Variants in STXBP5L observed in about 807,000 individuals in gnomAD.
STXBP5L encodes the protein syntaxin-binding protein 5-like.
A neutral mutation model predicts 144.5 loss-of-function variants in STXBP5L; 65 were observed. The observed-to-expected ratio is 0.45, with a 90% CI of 0.37 to 0.55. STXBP5L has a LOEUF of 0.55. STXBP5L is among the 20% of genes least tolerant of loss of function. The pLI is 0.00. For missense variants in STXBP5L, 1,298 were observed against 1,405.5 expected (o/e 0.92, Z 1.22); for synonymous variants, 505 against 469.6 (o/e 1.08, Z -0.97).
intron 5 of STXBP5L, among the ~76,000 whole-genome samples, chr3:121,103,464 A>G (rs1576965751): frequency 2.0e-5 from 3 of 152,252 alleles, no homozygotes; most frequent in Middle Eastern, 3.4e-3. Flanking sequence ...ACATGTTCTC[A>G]AGTATACATC....
Position 120,909,639 on chromosome 3 carries a change from G to T in STXBP5L, c.61G>T (p.Gly21Cys). Residue 21 changes from glycine to cysteine, a missense_variant, in exon 2 of 27, where the codon GGT (glycine) becomes TGT (cysteine). Coordinates refer to ENST00000471454, the MANE Select transcript of STXBP5L (RefSeq NM_001308330.2). ...CTTAACTGCCTCCTCCCCTGGCAGTGGTAGCAGCAGTGGCAGTAACAGTGG... is the reference window on the plus strand; with the variant it reads ...CTTAACTGCCTCCTCCCCTGGCAGTTGTAGCAGCAGTGGCAGTAACAGTGG... ...DGLTASSPGS[G>C]SSSGSNSGGG... is the part of the protein sequence containing the mutation. The T allele has an allele frequency of 6.2e-7, 1 of 1,613,658 alleles. No individual in the cohort carries two copies. Among genetic ancestry groups the T allele is most frequent in the Non-Finnish European group, 8.5e-7 (1 of 1,179,834 alleles).
intron 5 of STXBP5L, among the ~76,000 whole-genome samples, chr3:121,049,921 T>A (rs932602880): frequency 9.2e-5 from 14 of 151,980 alleles, no homozygotes; most frequent in Admixed American, 9.2e-4. Flanking sequence ...GTTGCAGGGA[T>A]CATGAGAAAT....
intron 2 of STXBP5L, among the ~76,000 whole-genome samples, chr3:120,927,647 T>C (rs955069056): frequency 1.3e-5 from 2 of 152,192 alleles, no homozygotes; most frequent in Admixed American, 6.5e-5. Context: ...ATCACAGATA[T>C]GGAAATCTTA....
intron 3 of STXBP5L, among the ~76,000 whole-genome samples, chr3:121,037,105 T>C (rs1001582426): frequency 1.4e-4 from 21 of 151,936 alleles, no homozygotes; most frequent in African/African-American, 4.3e-4. Flanking sequence ...TTTTCAAAAA[T>C]CTTATCTGTA....
chr3:121,157,707 G>T lies in STXBP5L; in HGVS notation c.877+80G>T, dbSNP rs145602553. 18 of 1,519,250 alleles carry T rather than the reference G, an allele frequency of 1.2e-5. 1 individual carries two copies. In the South Asian group the frequency reaches 1.3e-4, roughly 11 times the overall value. 94.1% of individuals were successfully genotyped at this position (1,519,250 alleles called of 1,614,324 possible). A position where few individuals can be genotyped will look rare whatever the true frequency, so the allele number is the denominator to read the frequency against. On this transcript the variant is annotated intron_variant, in intron 9 of 26. Coordinates refer to ENST00000471454, the MANE Select transcript of STXBP5L (RefSeq NM_001308330.2). Reference sequence around the variant, plus strand: ...GAAGTAAGAGAGATGGTATTAATGCGTTTGGTAGAAAAAAGTAATAGGACA... The same window carrying T: ...GAAGTAAGAGAGATGGTATTAATGCTTTTGGTAGAAAAAAGTAATAGGACA...
intron 22 of STXBP5L, among the ~76,000 whole-genome samples, chr3:121,397,878 G>A (rs1327639081): frequency 6.6e-6 from 1 of 152,190 alleles, no homozygotes; most frequent in Non-Finnish European, 1.5e-5. Context: ...GTTAAATTGA[G>A]CAGGTTGAAT....
At chr3:120,929,972 A>G (rs1028621056) in intron 2 of STXBP5L, among the ~76,000 whole-genome samples, 1 of 151,616 alleles carries the variant, frequency 6.6e-6, no homozygotes. Flanking sequence ...ACATTTTAAT[A>G]TATTAAATTG....
At chr3:121,077,525 A>C (rs2042071423) in intron 5 of STXBP5L, among the ~76,000 whole-genome samples, 1 of 152,164 alleles carries the variant, frequency 6.6e-6, no homozygotes. Context: ...AGTGAGCAGC[A>C]GCAAGATTAT....
chr3:120,995,919 T>C (rs1196484419), intron 3 of STXBP5L, among the ~76,000 whole-genome samples: 1 of 152,154 alleles, frequency 6.6e-6, no homozygotes, highest in African/African-American at 2.4e-5. Context: ...GAAATTCCTT[T>C]AGCCATTTTC....
At chr3:121,053,561 C>A (rs910161434) in intron 5 of STXBP5L, among the ~76,000 whole-genome samples, 2 of 150,276 alleles carry the variant, frequency 1.3e-5, no homozygotes, top group African/African-American at 2.4e-5. Context: ...GAATTTGGAT[C>A]CCTTACACCT....
intron 25 of STXBP5L, among the ~76,000 whole-genome samples, chr3:121,416,189 A>G (rs1424725950): frequency 6.6e-6 from 1 of 152,038 alleles, no homozygotes. Context: ...GAAATTGTTT[A>G]ACAAAAGTGA....
At chr3:121,057,092 C>G (rs1213712478) in intron 5 of STXBP5L, among the ~76,000 whole-genome samples, 2 of 151,532 alleles carry the variant, frequency 1.3e-5, no homozygotes, top group Admixed American at 1.3e-4. Context: ...AACTGCATAA[C>G]ATGCTACATA....
At chr3:120,910,686 GAA>G (rs1332811259) in intron 2 of STXBP5L, among the ~76,000 whole-genome samples, 3 of 151,974 alleles carry the variant, frequency 2.0e-5, no homozygotes, top group Non-Finnish European at 4.4e-5. Flanking sequence ...TTTCACAAAA[GAA>G]AAGTTTTTTG....
chr3:121,099,541 C>G lies in STXBP5L; in HGVS notation c.471-15384C>G, dbSNP rs568919146. Reference sequence around the variant, plus strand: ...GAAGAAATTGAAACCCTGAACAGACCAATATCAATCAATATGACACACATG... The same window carrying G: ...GAAGAAATTGAAACCCTGAACAGACGAATATCAATCAATATGACACACATG... On this transcript the variant is annotated intron_variant, in intron 5 of 26. Coordinates refer to ENST00000471454, the MANE Select transcript of STXBP5L (RefSeq NM_001308330.2). 6 of 152,830 alleles carry G rather than the reference C, an allele frequency of 3.9e-5. No individual in the cohort carries two copies. The South Asian group carries it at 1.0e-3, about 26-fold the overall frequency. The allele number at this position is 152,830 out of a possible 1,614,324, so 9.5% of individuals were successfully genotyped here. A position where few individuals can be genotyped will look rare whatever the true frequency, so the allele number is the denominator to read the frequency against.
intron 3 of STXBP5L, among the ~76,000 whole-genome samples, chr3:120,975,635 A>C (rs1212027006): frequency 2.0e-5 from 3 of 152,170 alleles, no homozygotes; most frequent in Non-Finnish European, 4.4e-5. Context: ...TTTCAAAGGG[A>C]ATGCTTCCAG....
At chr3:120,953,101 A>G (rs1023370595) in intron 2 of STXBP5L, among the ~76,000 whole-genome samples, 3 of 151,754 alleles carry the variant, frequency 2.0e-5, no homozygotes, top group Non-Finnish European at 1.5e-5. Flanking sequence ...CACCCAGCCC[A>G]TTTTCCATAT....
rs2050002933 is a variant in STXBP5L, at chr3:121,250,743, A to G, written c.1421A>G (p.Lys474Arg). 1.9e-6 allele frequency: 3 copies of G among 1,609,356 alleles called. No homozygotes were observed. Among genetic ancestry groups the G allele is most frequent in the Non-Finnish European group, 2.5e-6 (3 of 1,177,692 alleles). The stretch of plus-strand genomic sequence containing the variant: ...TCTAGTCATGCAGATGGATCAATAA[A>G]ATTTTGGGATGCTTCTGCAAGTAAG... ...IITGHADGSI[K>R]FWDASAITLQ... is the part of the protein sequence containing the mutation. Residue 474 changes from lysine to arginine, a missense_variant, in exon 15 of 27, where the codon AAA becomes AGA. By Grantham distance (26) the Lys-to-Arg change is conservative (BLOSUM62 2). Transcript: ENST00000471454.
At chr3:121,328,844 A>G (rs1470835387) in intron 20 of STXBP5L, among the ~76,000 whole-genome samples, 1 of 152,138 alleles carries the variant, frequency 6.6e-6, no homozygotes, top group African/African-American at 2.4e-5. Context: ...AGCTGTACAA[A>G]GGGAAAAAAA....
intron 2 of STXBP5L, among the ~76,000 whole-genome samples, chr3:120,951,467 A>C (rs1559901456): frequency 6.6e-6 from 1 of 150,448 alleles, no homozygotes; most frequent in South Asian, 2.1e-4. Flanking sequence ...AGAAAAAAAC[A>C]AACAACCCCA....
Sources: allele counts gnomAD v4.1 joint callset (sites outside exome capture counted in the v4.1 genomes callset), GRCh38; gene constraint gnomAD v4.1.1; transcripts MANE v1.5; gene names NCBI Gene and HGNC (gene_info 2026-07-23, HGNC 2026-07-21).